CDC42SE2: variants seen among roughly 807,000 people sequenced by gnomAD.
The protein encoded by CDC42SE2 is CDC42 small effector protein 2.
Under a neutral mutation model 11.5 loss-of-function variants are expected in CDC42SE2, and 3 were observed. The observed-to-expected ratio is 0.26, with a 90% CI of 0.12 to 0.67. CDC42SE2 has a LOEUF of 0.67. Ranked by LOEUF, CDC42SE2 falls within the 30% of genes least tolerant of loss-of-function variation. The pLI is 0.80. For synonymous variants in CDC42SE2, 33 were observed against 34.8 expected (o/e 0.95, Z 0.18); for missense variants, 82 against 106.8 (o/e 0.77, Z 1.02).
chr5:131,364,271 C>T (rs532952615), intron 3 of CDC42SE2, among the ~76,000 whole-genome samples: 1 of 152,232 alleles, frequency 6.6e-6, no homozygotes, highest in Non-Finnish European at 1.5e-5. Context: ...ATAGTGTGTT[C>T]AGGGAAGGCC....
intron 1 of CDC42SE2, chr5:131,255,010 G>T (rs1580715865): frequency 1.3e-5 from 2 of 152,038 alleles, no homozygotes; most frequent in East Asian, 3.8e-4. Context: ...TTCTAAGTTT[G>T]CTGTGTGCCA....
In CDC42SE2 at chr5:131,393,817, G is replaced by GTTTTTTT. The variant is rs71000990; in HGVS notation, c.*2746_*2752dup. ...GATTTTAGTCTTTTTCCAAATCGCT[G>GTTTTTTT]TTTTTTTTTTTTTTTTTTTTTTTTT... On this transcript the variant is annotated 3_prime_UTR_variant, in exon 5 of 5. Transcript: ENST00000505065. The GTTTTTTT allele has an allele frequency of 2.5e-5, 3 of 118,704 alleles. No homozygotes were observed. Among genetic ancestry groups the GTTTTTTT allele is most frequent in the Admixed American group, 1.7e-4 (2 of 12,020 alleles). 7.4% of individuals were successfully genotyped at this position (118,704 alleles called of 1,614,324 possible). A position where few individuals can be genotyped will look rare whatever the true frequency, so the allele number is the denominator to read the frequency against.
intron 2 of CDC42SE2, among the ~76,000 whole-genome samples, chr5:131,349,468 A>G (rs1178277144): frequency 6.6e-6 from 1 of 152,212 alleles, no homozygotes; most frequent in African/African-American, 2.4e-5. Flanking sequence ...GTGCTCATGT[A>G]CACTAGTACT....
At chr5:131,304,871 A>G (rs1757750236) in intron 1 of CDC42SE2, among the ~76,000 whole-genome samples, 1 of 152,188 alleles carries the variant, frequency 6.6e-6, no homozygotes, top group African/African-American at 2.4e-5. Context: ...ACCAGTTATT[A>G]ATATTTAAAC....
intron 2 of CDC42SE2, among the ~76,000 whole-genome samples, chr5:131,333,271 G>T (rs1029368527): frequency 4.6e-5 from 7 of 152,094 alleles, no homozygotes; most frequent in African/African-American, 7.2e-5. Flanking sequence ...AAAGATCAGA[G>T]AGTTGTAGAT....
At chr5:131,336,516 T>C (rs899148008) in intron 2 of CDC42SE2, among the ~76,000 whole-genome samples, 5 of 152,330 alleles carry the variant, frequency 3.3e-5, no homozygotes, top group Admixed American at 6.5e-5. Flanking sequence ...GAATGTTGGC[T>C]TGCCTTGCTA....
intron 1 of CDC42SE2, among the ~76,000 whole-genome samples, chr5:131,282,016 T>A (rs1757246794): frequency 1.3e-5 from 2 of 152,224 alleles, no homozygotes; most frequent in African/African-American, 2.4e-5. Context: ...ACTTGAAAGT[T>A]AAGTGCCATC....
intron 1 of CDC42SE2, among the ~76,000 whole-genome samples, chr5:131,289,338 A>G (rs893844281): frequency 3.3e-5 from 5 of 152,142 alleles, no homozygotes; most frequent in African/African-American, 1.2e-4. Context: ...TTCACTTTCT[A>G]CTTCTAAGAC....
At chr5:131,306,370 G>T (rs913087631) in intron 1 of CDC42SE2, among the ~76,000 whole-genome samples, 1 of 152,060 alleles carries the variant, frequency 6.6e-6, no homozygotes, top group East Asian at 1.9e-4. Context: ...TCTCTGTTTT[G>T]TGTTCTTGGT....
intron 1 of CDC42SE2, among the ~76,000 whole-genome samples, chr5:131,303,392 A>G (rs1757721258): frequency 6.6e-6 from 1 of 152,222 alleles, no homozygotes; most frequent in African/African-American, 2.4e-5. Context: ...TAATAGGGTC[A>G]AGGCCTGATA....
At chr5:131,383,784 T>C (rs1750393658) in intron 3 of CDC42SE2, among the ~76,000 whole-genome samples, 1 of 152,344 alleles carries the variant, frequency 6.6e-6, no homozygotes, top group East Asian at 1.9e-4. Context: ...CATGCTACAA[T>C]AGCAGAGTTG....
intron 1 of CDC42SE2, among the ~76,000 whole-genome samples, chr5:131,286,484 T>C (rs1156774993): frequency 6.6e-6 from 1 of 151,046 alleles, no homozygotes; most frequent in African/African-American, 2.4e-5. Context: ...TGCCAACTAT[T>C]TCATGACTAG....
At chr5:131,214,933 C>T in the CDC42SE2 span, among the ~76,000 whole-genome samples, 1 of 152,124 alleles carries the variant, frequency 6.6e-6, no homozygotes, top group Non-Finnish European at 1.5e-5. Context: ...TTCACTATAC[C>T]AAATAAGGCT....
chr5:131,342,454 A>G (rs1295772783), intron 2 of CDC42SE2, among the ~76,000 whole-genome samples: 2 of 129,038 alleles, frequency 1.5e-5, no homozygotes, highest in Admixed American at 1.6e-4. Flanking sequence ...AGTGGCGCCG[A>G]TCTCAGCCCA....
At chr5:131,271,665 G>A (rs79654281) in intron 1 of CDC42SE2, among the ~76,000 whole-genome samples, 5,228 of 152,228 alleles carry the variant, frequency 0.034, 307 homozygotes, top group African/African-American at 0.12. Context: ...GTATGTCTGC[G>A]ATCTGTAATC....
At chr5:131,379,287 T>A (rs2149785246) in intron 3 of CDC42SE2, among the ~76,000 whole-genome samples, 1 of 152,358 alleles carries the variant, frequency 6.6e-6, no homozygotes, top group South Asian at 2.1e-4. Flanking sequence ...CTTTTACTCT[T>A]ACTGTAGGCC....
At chr5:131,253,345 C>T (rs1756655897) in intron 1 of CDC42SE2, among the ~76,000 whole-genome samples, 1 of 152,194 alleles carries the variant, frequency 6.6e-6, no homozygotes, top group African/African-American at 2.4e-5. Flanking sequence ...ACCATCCCAA[C>T]AGCTTAAGGA....
intron 2 of CDC42SE2, among the ~76,000 whole-genome samples, chr5:131,358,826 G>C (rs2149769831): frequency 6.6e-6 from 1 of 152,274 alleles, no homozygotes; most frequent in Middle Eastern, 3.4e-3. Flanking sequence ...AGTTGTCTGT[G>C]AGAATAAAGG....
chr5:131,324,199 C>T (rs985078562), intron 2 of CDC42SE2, among the ~76,000 whole-genome samples: 1 of 152,160 alleles, frequency 6.6e-6, no homozygotes, highest in African/African-American at 2.4e-5. Context: ...GAATATCCAG[C>T]TGTAGCCTGT....
Sources: gnomAD v4.1 joint callset for allele counts (sites outside exome capture counted in the v4.1 genomes callset) on GRCh38, gnomAD v4.1.1 for gene constraint, MANE v1.5 for transcripts, NCBI Gene and HGNC (gene_info 2026-07-23, HGNC 2026-07-21) for gene names.